TRAPPC9: variants seen among roughly 807,000 people sequenced by gnomAD.
TRAPPC9 encodes IKK2 binding protein.
Under a neutral mutation model 124.0 loss-of-function variants are expected in TRAPPC9, and 83 were observed. The observed-to-expected ratio is 0.67, with a 90% confidence interval of 0.56 to 0.80. The LOEUF (loss-of-function observed/expected upper bound fraction) is 0.80, where lower values mean the gene tolerates loss of function less well. Ranked by LOEUF, TRAPPC9 falls within the 30% of genes least tolerant of loss-of-function variation. The probability of loss-of-function intolerance (pLI) is 0.00; values close to 1 mark genes in which losing one functional copy is unlikely to be tolerated. For synonymous variants in TRAPPC9, 638 were observed against 617.5 expected (o/e 1.03, Z -0.49); for missense variants, 1,302 against 1,508.3 (o/e 0.86, Z 2.27).
At chr8:140,046,995 T>C (rs887387617) in intron 17 of TRAPPC9, among the ~76,000 whole-genome samples, 4 of 152,220 alleles carry the variant, frequency 2.6e-5, no homozygotes, top group East Asian at 1.9e-4. Flanking sequence ...CCGTGGCACC[T>C]ACAATAAACT....
At chr8:140,183,957 GGGAGGGAGGAGGGAGGAGGGAGGAGGGA>G (rs760482905) in intron 17 of TRAPPC9, among the ~76,000 whole-genome samples, 2 of 52,910 alleles carry the variant, frequency 3.8e-5, no homozygotes, top group Admixed American at 4.7e-4. Context: ...GAGAGGGGAG[GGGAGGGAGGAGGGAGGAGGGAGGAGGGA>G]GGAGGGAGGA....
chr8:140,109,822 C>G (rs1182054882), intron 17 of TRAPPC9, among the ~76,000 whole-genome samples: 1 of 152,230 alleles, frequency 6.6e-6, no homozygotes. Flanking sequence ...GTGTTTTACC[C>G]TGGGCCACGC....
intron 17 of TRAPPC9, among the ~76,000 whole-genome samples, chr8:140,037,509 T>C (rs1840970518): frequency 6.6e-6 from 1 of 151,992 alleles, no homozygotes; most frequent in Non-Finnish European, 1.5e-5. Flanking sequence ...GACCTCAGCA[T>C]AGCCGCTCCC....
chr8:139,932,554 G>C (rs1833241926), intron 19 of TRAPPC9: 1 of 454,868 alleles, frequency 2.2e-6, no homozygotes, highest in Admixed American at 2.3e-5. Flanking sequence ...CCTGAGCTCA[G>C]GAGTTCGAGA....
At chr8:139,968,206 A>G (rs931067312) in intron 19 of TRAPPC9, among the ~76,000 whole-genome samples, 7 of 152,080 alleles carry the variant, frequency 4.6e-5, no homozygotes, top group African/African-American at 1.7e-4. Context: ...AAAAAGCACA[A>G]TGGTGCTTCT....
chr8:139,880,078 T>C (rs1267474042), intron 21 of TRAPPC9, among the ~76,000 whole-genome samples: 40 of 152,142 alleles, frequency 2.6e-4, no homozygotes, highest in Non-Finnish European at 3.1e-4. Flanking sequence ...TACACAGATA[T>C]ATAAATGTGT....
At chr8:140,383,014 C>T (rs1455171666) in intron 7 of TRAPPC9, among the ~76,000 whole-genome samples, 1 of 152,254 alleles carries the variant, frequency 6.6e-6, no homozygotes, top group Admixed American at 6.5e-5. Context: ...GCAATATTAG[C>T]TGTTCTGCAG....
At chr8:139,855,631 G>C (rs1036044516) in intron 21 of TRAPPC9, among the ~76,000 whole-genome samples, 9 of 152,208 alleles carry the variant, frequency 5.9e-5, no homozygotes, top group African/African-American at 2.2e-4. Flanking sequence ...CTTCAGGGGA[G>C]TCTTATGCGG....
At chr8:139,811,283 G>C (rs1319971971) in intron 21 of TRAPPC9, among the ~76,000 whole-genome samples, 1 of 152,194 alleles carries the variant, frequency 6.6e-6, no homozygotes, top group Non-Finnish European at 1.5e-5. Context: ...AGCATTCTAA[G>C]AGATAGGAAA....
intron 17 of TRAPPC9, among the ~76,000 whole-genome samples, chr8:140,033,658 G>GTTTTTTGTTTTTTTTTTTTGTTTTTTT (rs1563706552): frequency 2.4e-5 from 1 of 42,366 alleles, no homozygotes; most frequent in Non-Finnish European, 5.5e-5. Context: ...TCATAATGTG[G>GTTTTTTGTTTTTTTTTTTTGTTTTTTT]TTTTTTTTTT....
chr8:140,395,493 C>T (rs992085751), intron 7 of TRAPPC9, among the ~76,000 whole-genome samples: 9 of 152,204 alleles, frequency 5.9e-5, no homozygotes, highest in Non-Finnish European at 1.3e-4. Flanking sequence ...GCTCAACTCT[C>T]ATGCTAAAGC....
At chr8:140,072,624 AG>A in intron 17 of TRAPPC9, among the ~76,000 whole-genome samples, 1 of 136,464 alleles carries the variant, frequency 7.3e-6, no homozygotes, top group Non-Finnish European at 1.6e-5. Flanking sequence ...GAGGAGGAGG[AG>A]CGGTGGTGGT....
Position 140,451,093 on chromosome 8 carries a change from TGTGGCCA to T in TRAPPC9, c.274_280del (p.Trp92ArgfsTer95), listed in dbSNP as rs1554689964. 4.3e-6 allele frequency: 7 copies of T among 1,614,088 alleles called. No individual in the cohort carries two copies. The highest frequency in any genetic ancestry group is 4.2e-6 in the Non-Finnish European group (5 of 1,180,004). ...CTGCACGTGGAACTTCTCAAAGGTC[TGTGGCCA>T]GTCCTTGGCCGAGAAGCAGTCTGTG... On this transcript the variant is annotated frameshift_variant, in exon 2 of 23. Coordinates refer to ENST00000438773, the MANE Select transcript of TRAPPC9 (RefSeq NM_001160372.4). LOFTEE classifies it high-confidence loss of function.
In TRAPPC9 at chr8:140,104,941, T is replaced by C. The variant is rs2060637823; in HGVS notation, c.2557-80862A>G. 6.6e-6 allele frequency among the ~76,000 whole-genome samples: 1 copy of C among 152,208 alleles called. No individual in the cohort carries two copies. The highest frequency in any genetic ancestry group is 2.4e-5 in the African/African-American group (1 of 41,446). On this transcript the variant is annotated intron_variant, in intron 17 of 22. Coordinates refer to ENST00000438773, the MANE Select transcript of TRAPPC9 (RefSeq NM_001160372.4). The surrounding 1 kb of genome is among the most constrained non-coding windows in gnomAD (Gnocchi z 4.0). Reference sequence around the variant, plus strand: ...CTCCGCTTGCCCCCTGGGCCTGTCATCCATGCTGCATCGTGGCAGGGTCCC... The same window carrying C: ...CTCCGCTTGCCCCCTGGGCCTGTCACCCATGCTGCATCGTGGCAGGGTCCC...
chr8:140,020,294 T>C (rs560014192), intron 18 of TRAPPC9, among the ~76,000 whole-genome samples: 4 of 152,226 alleles, frequency 2.6e-5, no homozygotes, highest in Non-Finnish European at 5.9e-5. Flanking sequence ...GCTATCCTTA[T>C]CTAATAAAGA....
chr8:140,128,732 G>A (rs988351101), intron 17 of TRAPPC9, among the ~76,000 whole-genome samples: 1 of 152,180 alleles, frequency 6.6e-6, no homozygotes. Flanking sequence ...CCGAGATGGG[G>A]AGCCAGCTCT....
chr8:139,834,711 C>G (rs1158570231), intron 21 of TRAPPC9, among the ~76,000 whole-genome samples: 1 of 152,240 alleles, frequency 6.6e-6, no homozygotes, highest in African/African-American at 2.4e-5. Context: ...TCCTGCCTGG[C>G]AGGCTGCAAA....
At chr8:140,250,574 G>C (rs188159076) in intron 16 of TRAPPC9, among the ~76,000 whole-genome samples, 1 of 152,086 alleles carries the variant, frequency 6.6e-6, no homozygotes, top group African/African-American at 2.4e-5. Context: ...TGATTGTCTC[G>C]TGCTTCCTCA....
chr8:139,746,627 G>C (rs1354225565), intron 21 of TRAPPC9, among the ~76,000 whole-genome samples: 1 of 152,198 alleles, frequency 6.6e-6, no homozygotes, highest in African/African-American at 2.4e-5. Flanking sequence ...GCGCCAAAAA[G>C]CTGCCTGCAC....
Sources: gnomAD v4.1 joint callset for allele counts (sites outside exome capture counted in the v4.1 genomes callset) on GRCh38, gnomAD v4.1.1 for gene constraint, Gnocchi (gnomAD v3.1) non-coding constraint, MANE v1.5 for transcripts, NCBI Gene and HGNC (gene_info 2026-07-23, HGNC 2026-07-21) for gene names.